Variants in SLC25A37 observed in about 807,000 individuals in gnomAD.
SLC25A37 encodes mitoferrin-1.
A neutral mutation model predicts 31.0 loss-of-function variants in SLC25A37; 17 were observed. The observed-to-expected ratio is 0.55, with a 90% CI of 0.38 to 0.82. The LOEUF is 0.82. SLC25A37 is among the 40% of genes least tolerant of loss of function. The pLI, the probability that SLC25A37 is intolerant of heterozygous loss-of-function variation, is 0.00. For synonymous variants in SLC25A37, 222 were observed against 193.0 expected, an observed-to-expected ratio of 1.15 and a Z score of -1.24; for missense variants, 404 against 465.8, an observed-to-expected ratio of 0.87 and a Z score of 1.22.
At chr8:23,551,907 C>T (rs1017175812) in intron 1 of SLC25A37, among the ~76,000 whole-genome samples, 1 of 152,190 alleles carries the variant, frequency 6.6e-6, no homozygotes, top group African/African-American at 2.4e-5. Flanking sequence ...ATTTCTGTCC[C>T]TTCCTTGTGA....
In SLC25A37 at chr8:23,575,345, A is replaced by G. The variant is rs1006273505; in HGVS notation, c.*3490A>G. On this transcript the variant is annotated 3_prime_UTR_variant, in exon 4 of 4. Transcript: ENST00000519973. ...TAGTAACTATTGTTTCTGCCTCTCA[A>G]TTGTTGCCAGCTCTTTGAAGAAGGG... 6.6e-6 allele frequency: 1 copy of G among 152,128 alleles called. No homozygotes were observed. The highest frequency in any genetic ancestry group is 1.5e-5 in the Non-Finnish European group (1 of 68,030). The allele number at this position is 152,128 out of a possible 1,614,324, so 9.4% of individuals were successfully genotyped here. A position where few individuals can be genotyped will look rare whatever the true frequency, so the allele number is the denominator to read the frequency against.
rs529018951 is a variant in SLC25A37, at chr8:23,529,438, C to G, written c.210+226C>G. Among the ~76,000 whole-genome samples the G allele has an allele frequency of 1.7e-3, 257 of 151,868 alleles. No individual in the cohort carries two copies. The highest frequency in any genetic ancestry group is 3.2e-3 in the Non-Finnish European group (220 of 67,896). ...TCCTCGCCCCGCACCGCCCGCTGCT[C>G]CAGCCGCGTGCCCGGCCCCGGCTGC... is the stretch of plus-strand genomic sequence containing the variant. On this transcript the variant is annotated intron_variant, in intron 1 of 3. Transcript: ENST00000519973. This position sits in a 1 kb window ranked among gnomAD's most constrained non-coding sequence, Gnocchi z 4.1.
chr8:23,543,917 G>C (rs1801967906), intron 1 of SLC25A37, among the ~76,000 whole-genome samples: 1 of 152,024 alleles, frequency 6.6e-6, no homozygotes, highest in Non-Finnish European at 1.5e-5. Flanking sequence ...CTGGAATGCA[G>C]TGGCAGAATC....
rs1221554785 is a variant in SLC25A37 at position 23,571,982 on chromosome 8, C to T, written c.*127C>T. On this transcript the variant is annotated 3_prime_UTR_variant, in exon 4 of 4. Coordinates refer to ENST00000519973, the MANE Select transcript of SLC25A37 (RefSeq NM_016612.4). Reference sequence around the variant, plus strand: ...CCTATGGGCCCTCTGCTCCCCAATGCCTTAGAGAGAGGAGGGGACGGCACG... The same window carrying T: ...CCTATGGGCCCTCTGCTCCCCAATGTCTTAGAGAGAGGAGGGGACGGCACG... 1.9e-5 allele frequency: 20 copies of T among 1,071,862 alleles called. No homozygotes were observed. Among genetic ancestry groups the T allele is most frequent in the Non-Finnish European group, 2.5e-5 (19 of 750,246 alleles). The allele number at this position is 1,071,862 out of a possible 1,614,324, so 66.4% of individuals were successfully genotyped here.
chr8:23,534,994 A>G (rs1221666811), intron 1 of SLC25A37, among the ~76,000 whole-genome samples: 2 of 151,996 alleles, frequency 1.3e-5, no homozygotes, highest in African/African-American at 2.4e-5. Flanking sequence ...TCAAGTCCAA[A>G]TCACTCCATT....
At chr8:23,550,200 A>AAC (rs1802186443) in intron 1 of SLC25A37, among the ~76,000 whole-genome samples, 1 of 133,586 alleles carries the variant, frequency 7.5e-6, no homozygotes, top group African/African-American at 3.4e-5. Context: ...AAAAAAAAAA[A>AAC]ACACAAAAAA....
chr8:23,552,631 C>T (rs960183907), intron 1 of SLC25A37, among the ~76,000 whole-genome samples: 2 of 152,190 alleles, frequency 1.3e-5, no homozygotes, highest in Non-Finnish European at 2.9e-5. Flanking sequence ...CTATCCCAAC[C>T]CCTTCCCCAT....
intron 1 of SLC25A37, among the ~76,000 whole-genome samples, chr8:23,565,439 G>A (rs1233529987): frequency 6.6e-6 from 1 of 152,014 alleles, no homozygotes; most frequent in African/African-American, 2.4e-5. Context: ...TGTGTCTGTG[G>A]AGTAGCCATT....
In SLC25A37 at chr8:23,528,974, C is replaced by A; in HGVS notation, c.-29C>A. The A allele has an allele frequency of 6.9e-7, 1 of 1,448,642 alleles. No individual in the cohort carries two copies. The highest frequency in any genetic ancestry group is 9.1e-7 in the Non-Finnish European group (1 of 1,098,558). The allele number at this position is 1,448,642 out of a possible 1,614,324, so 89.7% of individuals were successfully genotyped here. ...CCTCCCCCTCCCTGCCCACCTCCTG[C>A]AGCCTCCTGCGCCCCGCCGAGCTGG... On this transcript the variant is annotated 5_prime_UTR_variant, in exon 1 of 4. Coordinates refer to ENST00000519973, the MANE Select transcript of SLC25A37 (RefSeq NM_016612.4).
chr8:23,574,040 A>G lies in SLC25A37; in HGVS notation c.*2185A>G. ...AAATTTGTAAAAAAATTATCCTACC[A>G]CCCCTTTTGGTCCACTTAAGATATG... On this transcript the variant is annotated 3_prime_UTR_variant, in exon 4 of 4. Coordinates refer to ENST00000519973, the MANE Select transcript of SLC25A37 (RefSeq NM_016612.4). 2.8e-6 allele frequency: 1 copy of G among 352,236 alleles called. No individual in the cohort carries two copies. The allele number at this position is 352,236 out of a possible 1,614,324, so 21.8% of individuals were successfully genotyped here. A position where few individuals can be genotyped will look rare whatever the true frequency, so the allele number is the denominator to read the frequency against.
In SLC25A37 at chr8:23,566,112, G is replaced by A. The variant is rs751742801; in HGVS notation, c.215G>A (p.Arg72Gln). ...VMYPVDSVKT[R>Q]MQSLSPDPKA... is the part of the protein sequence containing the mutation. ...TCTCTTCTTGCCCGCTCCCAGACACGAATGCAGAGTTTGAGTCCAGATCCC... is the reference window on the plus strand; with the variant it reads ...TCTCTTCTTGCCCGCTCCCAGACACAAATGCAGAGTTTGAGTCCAGATCCC... The change falls in exon 2 of 4, where the codon CGA (arginine) becomes CAA (glutamine). Residue 72 changes from arginine to glutamine, a missense_variant. Coordinates refer to ENST00000519973, the MANE Select transcript of SLC25A37 (RefSeq NM_016612.4). 2 of 1,581,368 alleles carry A rather than the reference G, an allele frequency of 1.3e-6. No individual in the cohort carries two copies. Among genetic ancestry groups the A allele is most frequent in the Non-Finnish European group, 1.7e-6 (2 of 1,169,780 alleles).
intron 1 of SLC25A37, among the ~76,000 whole-genome samples, chr8:23,546,608 G>GTATA (rs1563256347): frequency 1.1e-5 from 1 of 87,676 alleles, no homozygotes; most frequent in African/African-American, 8.1e-5. Context: ...GTGTATGTGT[G>GTATA]TGTGTGTGTG....
Position 23,573,719 on chromosome 8 carries a change from TG to T in SLC25A37, c.*1867del, listed in dbSNP as rs1802919926. 4.5e-6 allele frequency: 2 copies of T among 440,056 alleles called. No individual in the cohort carries two copies. Among genetic ancestry groups the T allele is most frequent in the Admixed American group, 2.4e-5 (1 of 41,470 alleles). 27.3% of individuals were successfully genotyped at this position (440,056 alleles called of 1,614,324 possible). ...GATCAGGGATGGGAAAGAGCCAAAC[TG>T]GGTACCTCCCACGTGTGCCCCGTGA... is the stretch of plus-strand genomic sequence containing the variant. On this transcript the variant is annotated 3_prime_UTR_variant, in exon 4 of 4. Coordinates refer to ENST00000519973, the MANE Select transcript of SLC25A37 (RefSeq NM_016612.4).
At chr8:23,546,560 A>ATATATATATATATAGTG (rs1563256130) in intron 1 of SLC25A37, among the ~76,000 whole-genome samples, 7 of 77,138 alleles carry the variant, frequency 9.1e-5, no homozygotes, top group African/African-American at 4.5e-4. Context: ...TATAGTGTAT[A>ATATATATATATATAGTG]TATATATATA....
chr8:23,572,461 A>C lies in SLC25A37; in HGVS notation c.*606A>C, dbSNP rs1446654029. 1.3e-5 allele frequency: 2 copies of C among 152,592 alleles called. No homozygotes were observed. Among genetic ancestry groups the C allele is most frequent in the Non-Finnish European group, 2.9e-5 (2 of 68,054 alleles). The allele number at this position is 152,592 out of a possible 1,614,324, so 9.5% of individuals were successfully genotyped here. On this transcript the variant is annotated 3_prime_UTR_variant, in exon 4 of 4. Coordinates refer to ENST00000519973, the MANE Select transcript of SLC25A37 (RefSeq NM_016612.4). ...GGTGAACGAAAAAGGCAACAAAGTAATAAATCAGTGAATGTGGCCGGCAGC... is the reference window on the plus strand; with the variant it reads ...GGTGAACGAAAAAGGCAACAAAGTACTAAATCAGTGAATGTGGCCGGCAGC...
chr8:23,531,035 G>A (rs1801651621), intron 1 of SLC25A37, among the ~76,000 whole-genome samples: 1 of 152,228 alleles, frequency 6.6e-6, no homozygotes, highest in South Asian at 2.1e-4. Context: ...TTAACATGGT[G>A]TGAATGGTAG....
At chr8:23,553,679 G>A (rs977546645) in intron 1 of SLC25A37, among the ~76,000 whole-genome samples, 3 of 152,210 alleles carry the variant, frequency 2.0e-5, no homozygotes, top group Non-Finnish European at 4.4e-5. Flanking sequence ...ATGCCCCTCT[G>A]TGACCTCAGC....
At chr8:23,570,411 GGGGGT>G (rs1207495858) in intron 3 of SLC25A37, among the ~76,000 whole-genome samples, 2 of 151,864 alleles carry the variant, frequency 1.3e-5, no homozygotes, top group African/African-American at 2.4e-5. Flanking sequence ...AGCGGTGGTG[GGGGGT>G]GGGGTGGGGT....
At chr8:23,554,436 T>A (rs189422353) in intron 1 of SLC25A37, among the ~76,000 whole-genome samples, 8 of 152,302 alleles carry the variant, frequency 5.3e-5, no homozygotes, top group Admixed American at 2.0e-4. Context: ...TCCCTTTCTG[T>A]CTCGCAGTGA....
Sources: allele counts gnomAD v4.1 joint callset (sites outside exome capture counted in the v4.1 genomes callset), GRCh38; gene constraint gnomAD v4.1.1; non-coding constraint Gnocchi (gnomAD v3.1); transcripts MANE v1.5; gene names NCBI Gene and HGNC (gene_info 2026-07-23, HGNC 2026-07-21).